The following IMMP2L variants were observed in gnomAD, a reference collection of about 807,000 sequenced individuals.
IMMP2L encodes the protein inner mitochondrial membrane peptidase subunit 2.
Under a neutral mutation model 19.3 loss-of-function variants are expected in IMMP2L, and 18 were observed. The ratio of observed to expected loss-of-function variants is 0.93; its 90% CI spans 0.64 to 1.38. The LOEUF (loss-of-function observed/expected upper bound fraction) is 1.38, where lower values mean the gene tolerates loss of function less well. Ranked by LOEUF, IMMP2L falls within the 40% of genes most tolerant of loss-of-function variation. The pLI is 0.00. For missense variants in IMMP2L, 233 were observed against 218.2 expected (o/e 1.07, Z -0.43); for synonymous variants, 76 against 73.0 (o/e 1.04, Z -0.21).
rs577515338 is a variant in IMMP2L, at chr7:111,084,827, T to C, written c.240-121262A>G. ...TAGGTAGAAAGTGATGATATGATTG[T>C]AGCAAATATTGATAGCTCTTCTGAG... On this transcript the variant is annotated intron_variant, in intron 3 of 5. Coordinates refer to ENST00000405709, the MANE Select transcript of IMMP2L (RefSeq NM_032549.4). Among the ~76,000 whole-genome samples, 3 of 152,310 alleles carry C rather than the reference T, an allele frequency of 2.0e-5. No individual in the cohort carries two copies. In the East Asian group the frequency reaches 5.8e-4, roughly 29 times the overall value.
At chr7:111,505,175 A>G (rs1366511635) in intron 2 of IMMP2L, among the ~76,000 whole-genome samples, 3 of 151,918 alleles carry the variant, frequency 2.0e-5, no homozygotes, top group Admixed American at 1.3e-4. Context: ...ATATGAACAG[A>G]CACTTCTCAA....
intron 3 of IMMP2L, among the ~76,000 whole-genome samples, chr7:110,997,810 T>A (rs926400580): frequency 6.6e-6 from 1 of 152,128 alleles, no homozygotes; most frequent in African/African-American, 2.4e-5. Flanking sequence ...GTCTGCAGCT[T>A]GTCTTATTAG....
At chr7:111,256,056 G>C (rs1029218262) in intron 3 of IMMP2L, among the ~76,000 whole-genome samples, 4 of 152,008 alleles carry the variant, frequency 2.6e-5, no homozygotes, top group Non-Finnish European at 5.9e-5. Flanking sequence ...ATGAAGCATA[G>C]AGATTTATAC....
At chr7:110,750,670 G>T (rs1797661278) in intron 5 of IMMP2L, among the ~76,000 whole-genome samples, 1 of 151,928 alleles carries the variant, frequency 6.6e-6, no homozygotes, top group African/African-American at 2.4e-5. Flanking sequence ...ATTGTAATGA[G>T]GGCCTGCCCC....
chr7:111,547,407 T>C (rs138652095), intron 1 of IMMP2L, among the ~76,000 whole-genome samples: 22 of 152,096 alleles, frequency 1.4e-4, no homozygotes, highest in East Asian at 7.7e-4. Context: ...TCTCACTTTA[T>C]CATAAAATCC....
chr7:111,227,958 T>A (rs1470594828), intron 3 of IMMP2L, among the ~76,000 whole-genome samples: 1 of 152,116 alleles, frequency 6.6e-6, no homozygotes, highest in Non-Finnish European at 1.5e-5. Flanking sequence ...TTGTATTTGT[T>A]ACAGAACCTA....
At chr7:110,699,508 G>T (rs958391072) in intron 5 of IMMP2L, among the ~76,000 whole-genome samples, 5 of 151,940 alleles carry the variant, frequency 3.3e-5, no homozygotes, top group African/African-American at 1.2e-4. Flanking sequence ...GCAGTGGCTC[G>T]CGCCTTAATT....
At chr7:111,083,801 A>G (rs972166971) in intron 3 of IMMP2L, among the ~76,000 whole-genome samples, 1 of 152,220 alleles carries the variant, frequency 6.6e-6, no homozygotes, top group Non-Finnish European at 1.5e-5. Context: ...AGGTACTTTA[A>G]TTTCAGCATA....
At chr7:111,365,084 A>G (rs186762553) in intron 3 of IMMP2L, among the ~76,000 whole-genome samples, 5 of 152,258 alleles carry the variant, frequency 3.3e-5, no homozygotes, top group East Asian at 3.9e-4. Context: ...AACAGGAAAT[A>G]CCTTAAGAAA....
At chr7:110,743,151 T>G (rs545095061) in intron 5 of IMMP2L, among the ~76,000 whole-genome samples, 1 of 152,284 alleles carries the variant, frequency 6.6e-6, no homozygotes, top group East Asian at 1.9e-4. Context: ...TTCTCAAAAT[T>G]AAAAAATATG....
At chr7:110,890,634 G>T (rs886828765) in intron 4 of IMMP2L, among the ~76,000 whole-genome samples, 4 of 152,174 alleles carry the variant, frequency 2.6e-5, no homozygotes, top group African/African-American at 7.2e-5. Context: ...TCTTTTAGGT[G>T]ATTTAACAGT....
chr7:111,460,198 T>C (rs1249714785), intron 3 of IMMP2L, among the ~76,000 whole-genome samples: 4 of 152,068 alleles, frequency 2.6e-5, no homozygotes, highest in African/African-American at 9.7e-5. Flanking sequence ...TGAAATGCAA[T>C]AAACAAACTA....
chr7:111,032,000 G>A (rs1409455681), intron 3 of IMMP2L, among the ~76,000 whole-genome samples: 1 of 144,884 alleles, frequency 6.9e-6, no homozygotes, highest in East Asian at 2.0e-4. Context: ...GTGCAGTGGT[G>A]CGACTTCAGC....
At chr7:111,102,733 A>G (rs545573982) in intron 3 of IMMP2L, among the ~76,000 whole-genome samples, 76 of 151,684 alleles carry the variant, frequency 5.0e-4, no homozygotes, top group Admixed American at 1.3e-3. Context: ...GTGCTATTCT[A>G]TTAGAAACTT....
At chr7:111,348,814 T>G (rs541623124) in intron 3 of IMMP2L, among the ~76,000 whole-genome samples, 12 of 152,254 alleles carry the variant, frequency 7.9e-5, no homozygotes, top group African/African-American at 2.9e-4. Context: ...TAGCTGACTC[T>G]GACATCCAAG....
intron 3 of IMMP2L, among the ~76,000 whole-genome samples, chr7:111,047,157 C>T (rs374168262): frequency 1.4e-5 from 2 of 146,582 alleles, no homozygotes; most frequent in East Asian, 4.1e-4. Flanking sequence ...GGCAGTTTAA[C>T]TTCAAAATGT....
At chr7:111,446,705 G>C (rs558303203) in intron 3 of IMMP2L, among the ~76,000 whole-genome samples, 28 of 152,264 alleles carry the variant, frequency 1.8e-4, no homozygotes, top group Non-Finnish European at 3.5e-4. Context: ...AAACTGGATG[G>C]AGAATGATTT....
chr7:110,926,517 A>G (rs1814871060), intron 4 of IMMP2L, among the ~76,000 whole-genome samples: 1 of 152,110 alleles, frequency 6.6e-6, no homozygotes, highest in African/African-American at 2.4e-5. Flanking sequence ...TATAATCCTC[A>G]TCTCTTTCAT....
intron 3 of IMMP2L, among the ~76,000 whole-genome samples, chr7:110,990,589 C>T (rs1822353565): frequency 6.6e-6 from 1 of 152,186 alleles, no homozygotes; most frequent in Non-Finnish European, 1.5e-5. Flanking sequence ...GTCAGACTGA[C>T]TGGTTTTGAT....
Sources: gnomAD v4.1 joint callset for allele counts (sites outside exome capture counted in the v4.1 genomes callset) on GRCh38, gnomAD v4.1.1 for gene constraint, MANE v1.5 for transcripts, NCBI Gene and HGNC (gene_info 2026-07-23, HGNC 2026-07-21) for gene names.